The following ACADM variants were observed in gnomAD, a reference collection of about 807,000 sequenced individuals.
The protein encoded by ACADM is medium-chain specific acyl-CoA dehydrogenase, mitochondrial.
In ACADM, 49 loss-of-function variants were observed where a neutral mutation model predicts 58.9. The observed-to-expected ratio is 0.83, with a 90% confidence interval of 0.66 to 1.06. The LOEUF is 1.06. Among genes scored for constraint, ACADM ranks in the 50% least tolerant of loss-of-function variants. ACADM has a pLI of 0.00. For missense variants in ACADM, 496 were observed against 507.0 expected (o/e 0.98, Z 0.21); for synonymous variants, 160 against 157.7 (o/e 1.01, Z -0.11).
chr1:75,759,962 G>A (rs1251315288), intron 10 of ACADM, among the ~76,000 whole-genome samples: 1 of 151,632 alleles, frequency 6.6e-6, no homozygotes, highest in Non-Finnish European at 1.5e-5. Flanking sequence ...TGCCCAGCCA[G>A]CAATTTCTTC....
At chr1:75,760,518 C>T (rs1218530159) in intron 10 of ACADM, among the ~76,000 whole-genome samples, 1 of 91,788 alleles carries the variant, frequency 1.1e-5, no homozygotes, top group Non-Finnish European at 2.1e-5. Flanking sequence ...GCATTCCAGC[C>T]TGGAAAACAA....
intron 10 of ACADM, 124 bp from the exon 11 acceptor site, chr1:75,760,998 G>A (rs1339011519): frequency 2.5e-5 from 23 of 913,308 alleles, no homozygotes; most frequent in Non-Finnish European, 3.3e-5. Context: ...CTTGAGGCCA[G>A]GAGTTGCAGA....
chr1:75,733,191 T>C, intron 4 of ACADM: 2 of 1,609,266 alleles, frequency 1.2e-6, no homozygotes, highest in African/African-American at 1.3e-5. Flanking sequence ...TTGTGTTTTA[T>C]TCCTATCTTC....
chr1:75,727,409 C>T (rs1647073671), intron 1 of ACADM, among the ~76,000 whole-genome samples: 1 of 152,120 alleles, frequency 6.6e-6, no homozygotes, highest in South Asian at 2.1e-4. Context: ...GTTAAAATTG[C>T]TGGATAGTTC....
chr1:75,734,570 AT>A, intron 5 of ACADM: 1 of 518,874 alleles, frequency 1.9e-6, no homozygotes, highest in Non-Finnish European at 3.5e-6. Context: ...ATTTTCACAG[AT>A]TATAATGCCA....
At chr1:75,744,094 G>T in intron 7 of ACADM, 1 of 1,588,926 alleles carries the variant, frequency 6.3e-7, no homozygotes, top group Non-Finnish European at 8.6e-7. Flanking sequence ...GCCGCATCCT[G>T]TTCATTTTCT....
intron 10 of ACADM, among the ~76,000 whole-genome samples, chr1:75,755,719 A>G (rs181883397): frequency 6.6e-6 from 1 of 152,346 alleles, no homozygotes; most frequent in African/African-American, 2.4e-5. Flanking sequence ...CCTCCAAAGG[A>G]ATGCAGCTCC....
At chr1:75,729,999 A>C (rs1368247261) in intron 2 of ACADM, among the ~76,000 whole-genome samples, 1 of 144,468 alleles carries the variant, frequency 6.9e-6, no homozygotes, top group African/African-American at 2.6e-5. Context: ...GGTTCAAGCG[A>C]TTCTCCTGCC....
chr1:75,728,444 C>A lies in ACADM; in HGVS notation c.74C>A (p.Thr25Lys). 1 of 1,613,554 alleles carries A rather than the reference C, an allele frequency of 6.2e-7. No individual in the cohort carries two copies. Among genetic ancestry groups the A allele is most frequent in the Non-Finnish European group, 8.5e-7 (1 of 1,179,688 alleles). ...ISRFHWRSQH[T>K]KANRQREPGL... is the part of the protein sequence containing the mutation. ...CGTTTTCATTGGAGATCACAGCATA[C>A]AAAAGCCAATCGACAACGTGAACCA... Residue 25 changes from threonine (T) to lysine (K), a missense_variant, in exon 2 of 12, where the codon ACA (threonine) becomes AAA (lysine). Physicochemically the swap from Thr to Lys is moderately conservative, Grantham distance 78 (BLOSUM62 -1). Transcript: ENST00000370841.
At chr1:75,744,316 T>C (rs1647766020) in intron 7 of ACADM, 1 of 1,613,452 alleles carries the variant, frequency 6.2e-7, no homozygotes, top group African/African-American at 1.3e-5. Context: ...TTCAGCCGGC[T>C]TGGCCTTAGC....
At chr1:75,737,116 A>G (rs970147544) in intron 6 of ACADM, among the ~76,000 whole-genome samples, 2 of 151,098 alleles carry the variant, frequency 1.3e-5, no homozygotes, top group African/African-American at 4.9e-5. Flanking sequence ...CAGAAAAAAA[A>G]TAAATAAAAA....
chr1:75,762,297 G>GAA (rs5775306), intron 11 of ACADM, among the ~76,000 whole-genome samples: 39 of 146,248 alleles, frequency 2.7e-4, no homozygotes, highest in African/African-American at 6.4e-4. Context: ...GGCAGTGGGA[G>GAA]AAAAAAAAAA....
rs191929469 is a variant in ACADM at position 75,756,105 on chromosome 1, A to T, written c.946-5017A>T. ...TATTTATGACAAACCCACAGCCAAT[A>T]TCATACTGAATGGGCAAAATCTGGA... On this transcript the variant is annotated intron_variant, in intron 10 of 11. Transcript: ENST00000370841. Among the ~76,000 whole-genome samples the T allele has an allele frequency of 3.9e-5, 6 of 152,268 alleles. No homozygotes were observed. In the East Asian group the frequency reaches 1.2e-3, roughly 29 times the overall value.
At position 75,732,936 on chromosome 1, in the gene ACADM, A is replaced by G. The variant is rs1570862121; in HGVS notation, c.286+14A>G. The G allele has an allele frequency of 4.3e-6, 7 of 1,613,464 alleles. No homozygotes were observed. The highest frequency in any genetic ancestry group is 5.9e-6 in the Non-Finnish European group (7 of 1,179,538). On this transcript the variant is annotated intron_variant, in intron 4 of 11. Coordinates refer to ENST00000370841, the MANE Select transcript of ACADM (RefSeq NM_000016.6). ...CAGAGAACTGTGGTAAGCTTTCTTT[A>G]TATTTTTAATACTGGAATGCATATG...
intron 8 of ACADM, among the ~76,000 whole-genome samples, 198 bp from the exon 9 acceptor site, chr1:75,749,221 A>T (rs1388836764): frequency 6.6e-6 from 1 of 152,216 alleles, no homozygotes; most frequent in African/African-American, 2.4e-5. Context: ...TTGTAGCAAG[A>T]AAGTAACTGT....
Position 75,744,235 on chromosome 1 carries a change from G to A in ACADM, c.600-1571G>A. On this transcript the variant is annotated intron_variant, in intron 7 of 11. Coordinates refer to ENST00000370841, the MANE Select transcript of ACADM (RefSeq NM_000016.6). The stretch of plus-strand genomic sequence containing the variant: ...GCGAGGGCACTGGTGGCATCGAGTG[G>A]GTATGGGTGCTGCATGGGGAGGAAC... The A allele has an allele frequency of 2.5e-6, 4 of 1,589,980 alleles. No individual in the cohort carries two copies. In the South Asian group the frequency reaches 3.3e-5, roughly 13 times the overall value.
intron 7 of ACADM, among the ~76,000 whole-genome samples, chr1:75,742,399 C>T (rs1326730468): frequency 6.6e-6 from 1 of 152,196 alleles, no homozygotes; most frequent in Non-Finnish European, 1.5e-5. Flanking sequence ...CAGTCCACGT[C>T]CTCCAAATCT....
At chr1:75,746,015 T>C (rs1479506582) in intron 8 of ACADM, 101 bp downstream of exon 8, 1 of 845,826 alleles carries the variant, frequency 1.2e-6, no homozygotes. Context: ...TTGTATTAAG[T>C]TGGAGTAAAA....
Position 75,759,749 on chromosome 1 carries a change from C to T in ACADM, c.946-1373C>T, listed in dbSNP as rs142432267. The stretch of plus-strand genomic sequence containing the variant: ...TGATCTTGGCTCACCACAACCTCCA[C>T]CTCCCAGGTTTAAGCGATTCTTCTG... On this transcript the variant is annotated intron_variant, in intron 10 of 11. Coordinates refer to ENST00000370841, the MANE Select transcript of ACADM (RefSeq NM_000016.6). Among the ~76,000 whole-genome samples, 231 of 150,714 alleles carry T rather than the reference C, an allele frequency of 1.5e-3. 2 individuals carry two copies. The highest frequency in any genetic ancestry group is 5.4e-3 in the African/African-American group (220 of 41,012).
Sources: allele counts gnomAD v4.1 joint callset (sites outside exome capture counted in the v4.1 genomes callset), GRCh38; gene constraint gnomAD v4.1.1; transcripts MANE v1.5; gene names NCBI Gene and HGNC (gene_info 2026-07-23, HGNC 2026-07-21).